Variants in PLAA observed in about 807,000 individuals in gnomAD.
PLAA encodes the protein phospholipase A2 activating protein, also known as phospholipase A-2-activating protein.
A neutral mutation model predicts 84.1 loss-of-function variants in PLAA; 48 were observed. The ratio of observed to expected loss-of-function variants is 0.57; its 90% confidence interval spans 0.45 to 0.73. The LOEUF (loss-of-function observed/expected upper bound fraction) is 0.73, where lower values mean the gene tolerates loss of function less well. PLAA is among the 30% of genes least tolerant of loss of function. PLAA has a pLI of 0.00. For synonymous variants in PLAA, 392 were observed against 336.6 expected (o/e 1.16, Z -1.80); for missense variants, 903 against 954.7 (o/e 0.95, Z 0.71).
In PLAA at chr9:26,923,262, G is replaced by C. The variant is rs753300259; in HGVS notation, c.955C>G (p.His319Asp). The C allele has an allele frequency of 1.5e-5, 25 of 1,613,680 alleles. No homozygotes were observed. The highest frequency in any genetic ancestry group is 2.2e-5 in the East Asian group (1 of 44,876). The change falls in exon 7 of 14, where the codon CAC becomes GAC. Residue 319 changes from histidine (H) to aspartate (D), a missense_variant. Coordinates refer to ENST00000397292, the MANE Select transcript of PLAA (RefSeq NM_001031689.3). ...CCAGTTTTAGAATCAATGGTTGCGT[G>C]AGACAGTTCTTTTTCAAAAGCCTTG... Reference protein sequence around the residue: ...EIKAFEKELSHATIDSKTGDL... With the variant: ...EIKAFEKELSDATIDSKTGDL...
chr9:26,933,326 T>C (rs894328339), intron 2 of PLAA, among the ~76,000 whole-genome samples: 3 of 149,342 alleles, frequency 2.0e-5, no homozygotes, highest in African/African-American at 7.4e-5. Context: ...TCCCAGCTAC[T>C]CTGGAGGCTG....
chr9:26,908,125 T>C (rs1251868599), intron 12 of PLAA, 127 bp from the exon 13 acceptor site: 2 of 614,650 alleles, frequency 3.3e-6, no homozygotes, highest in African/African-American at 3.8e-5. Context: ...ACTCAGCAAT[T>C]ATCAAACACC....
chr9:26,923,411 G>C, intron 6 of PLAA, 64 bp from the exon 7 acceptor site: 1 of 1,119,312 alleles, frequency 8.9e-7, no homozygotes, highest in South Asian at 1.5e-5. Flanking sequence ...TATCACACCT[G>C]AATGATCCAT....
chr9:26,915,594 C>T (rs1282912833), intron 10 of PLAA: 1 of 636,530 alleles, frequency 1.6e-6, no homozygotes, highest in Non-Finnish European at 2.0e-6. Flanking sequence ...AACACTTACA[C>T]ATATTATGCT....
chr9:26,939,545 T>C (rs1318811271), intron 1 of PLAA, among the ~76,000 whole-genome samples: 2 of 100,492 alleles, frequency 2.0e-5, no homozygotes, highest in Non-Finnish European at 4.1e-5. Context: ...GACAGCAAAA[T>C]GGCATCGGTG....
chr9:26,930,662 A>C (rs1046684292), intron 2 of PLAA, among the ~76,000 whole-genome samples: 19 of 150,260 alleles, frequency 1.3e-4, no homozygotes, highest in Non-Finnish European at 2.5e-4. Flanking sequence ...GGCTCACTGC[A>C]ACCTCCGCTT....
chr9:26,940,830 A>C (rs578142156), intron 1 of PLAA, among the ~76,000 whole-genome samples: 27 of 152,336 alleles, frequency 1.8e-4, no homozygotes, highest in African/African-American at 6.0e-4. Context: ...ACCAATTTCA[A>C]CTTGTTCACT....
intron 13 of PLAA, among the ~76,000 whole-genome samples, chr9:26,907,137 A>G (rs1465325355): frequency 6.6e-6 from 1 of 151,800 alleles, no homozygotes; most frequent in Admixed American, 6.6e-5. Context: ...AACTGACATA[A>G]TTGGAAAAAA....
intron 9 of PLAA, among the ~76,000 whole-genome samples, chr9:26,918,442 A>C (rs1158466268): frequency 1.3e-5 from 2 of 152,034 alleles, no homozygotes; most frequent in Non-Finnish European, 2.9e-5. Context: ...AATTCTATTT[A>C]AATCAACATG....
Position 26,905,848 on chromosome 9 carries a change from A to G in PLAA, c.2051T>C (p.Met684Thr). The change falls in exon 14 of 14, where the codon ATG becomes ACG. Residue 684 changes from methionine (M) to threonine (T), a missense_variant. By Grantham distance (81) the Met-to-Thr change is moderately conservative (BLOSUM62 -1). Transcript: ENST00000397292. ...KLMMSQRESL[M>T]SHAIELKSGS... ...TGATTTCAGTTCTATTGCATGGGACATCAGTGATTCCCTCTGGGACATCAT... is the reference window on the plus strand; with the variant it reads ...TGATTTCAGTTCTATTGCATGGGACGTCAGTGATTCCCTCTGGGACATCAT... The G allele has an allele frequency of 6.2e-7, 1 of 1,614,114 alleles. No individual in the cohort carries two copies. The highest frequency in any genetic ancestry group is 1.1e-5 in the South Asian group (1 of 91,080).
intron 10 of PLAA, among the ~76,000 whole-genome samples, chr9:26,915,180 C>A (rs1193370975): frequency 2.6e-5 from 4 of 151,306 alleles, no homozygotes; most frequent in African/African-American, 9.7e-5. Context: ...CCATTGCACT[C>A]CAGCCTGGGC....
At chr9:26,917,508 A>G (rs903773802) in intron 9 of PLAA, among the ~76,000 whole-genome samples, 8 of 152,138 alleles carry the variant, frequency 5.3e-5, no homozygotes, top group African/African-American at 1.7e-4. Flanking sequence ...TTCCTATACA[A>G]ATTCACAAGA....
rs371070628 is a variant in PLAA at position 26,904,305 on chromosome 9, C to A, written c.*1206G>T. On this transcript the variant is annotated 3_prime_UTR_variant, in exon 14 of 14. Transcript: ENST00000397292. ...TTGAGAATGTTGCTATTTCTGGCAA[C>A]GTCTTTATGAAAAGATCTTTCCCAC... The A allele has an allele frequency of 6.6e-6, 1 of 152,128 alleles. No homozygotes were observed. Among genetic ancestry groups the A allele is most frequent in the Non-Finnish European group, 1.5e-5 (1 of 67,992 alleles). 9.4% of individuals were successfully genotyped at this position (152,128 alleles called of 1,614,324 possible).
intron 1 of PLAA, among the ~76,000 whole-genome samples, chr9:26,939,072 G>C (rs537942680): frequency 1.3e-5 from 2 of 152,246 alleles, no homozygotes; most frequent in South Asian, 4.1e-4. Flanking sequence ...TATACACTAA[G>C]GAAATGGGGA....
intron 1 of PLAA, among the ~76,000 whole-genome samples, chr9:26,938,882 T>C (rs1026185968): frequency 5.9e-5 from 9 of 152,278 alleles, no homozygotes; most frequent in East Asian, 1.9e-4. Flanking sequence ...TTTATGTTTT[T>C]AGGACACAGA....
chr9:26,936,274 C>T (rs1287733930), intron 1 of PLAA, among the ~76,000 whole-genome samples: 1 of 151,900 alleles, frequency 6.6e-6, no homozygotes, highest in East Asian at 1.9e-4. Context: ...ATGAATACAA[C>T]TTTGAATATT....
chr9:26,937,430 G>T (rs985778993), intron 1 of PLAA, among the ~76,000 whole-genome samples: 4 of 152,056 alleles, frequency 2.6e-5, no homozygotes, highest in African/African-American at 9.7e-5. Context: ...AAAAGGGGAA[G>T]AATATGATTT....
intron 1 of PLAA, among the ~76,000 whole-genome samples, chr9:26,936,822 G>T (rs544283198): frequency 1.3e-5 from 2 of 152,260 alleles, no homozygotes; most frequent in Admixed American, 1.3e-4. Flanking sequence ...CACTTGAGCT[G>T]AAGTGACTTC....
chr9:26,911,498 G>T (rs111675582), intron 11 of PLAA, among the ~76,000 whole-genome samples: 7,386 of 152,008 alleles, frequency 0.049, 216 homozygotes, highest in South Asian at 0.098. Context: ...CATGTTGGTT[G>T]GGCTGGTCTC....
Sources: gnomAD v4.1 joint callset for allele counts (sites outside exome capture counted in the v4.1 genomes callset) on GRCh38, gnomAD v4.1.1 for gene constraint, MANE v1.5 for transcripts, NCBI Gene and HGNC (gene_info 2026-07-23, HGNC 2026-07-21) for gene names.